The following SLIT2 variants were observed in gnomAD, a reference collection of about 807,000 sequenced individuals.
SLIT2 encodes slit guidance ligand 2.
SLIT2 carries 41 observed loss-of-function variants against 185.7 expected under a neutral mutation model. The ratio of observed to expected loss-of-function variants is 0.22; its 90% CI spans 0.17 to 0.29. The LOEUF (loss-of-function observed/expected upper bound fraction) is 0.29, where lower values mean the gene tolerates loss of function less well. Ranked by LOEUF, SLIT2 falls within the 10% of genes least tolerant of loss-of-function variation. The pLI, the probability that SLIT2 is intolerant of heterozygous loss-of-function variation, is 1.00. For missense variants in SLIT2, 1,571 were observed against 1,909.0 expected, an observed-to-expected ratio of 0.82 and a Z score of 3.30; for synonymous variants, 693 against 680.2, an observed-to-expected ratio of 1.02 and a Z score of -0.29.
chr4:20,387,684 C>T (rs1269455009), intron 4 of SLIT2, among the ~76,000 whole-genome samples: 2 of 152,048 alleles, frequency 1.3e-5, no homozygotes, highest in Non-Finnish European at 1.5e-5. Flanking sequence ...TGGAGGCCCA[C>T]GGGCAACAAA....
At position 20,255,944 on chromosome 4, in the gene SLIT2, C is replaced by T. The variant is rs188695470; in HGVS notation, c.180-728C>T. ...GAACCAGGGCAAGTTTAGATCTTGA[C>T]CTGAAATGCCAGAAAAGGAGATCGT... On this transcript the variant is annotated intron_variant, in intron 1 of 36. Transcript: ENST00000504154. Among the ~76,000 whole-genome samples, 293 of 152,246 alleles carry T rather than the reference C, an allele frequency of 1.9e-3. 2 individuals are homozygous for T. Among genetic ancestry groups the T allele is most frequent in the Non-Finnish European group, 1.9e-3 (130 of 68,018 alleles).
At chr4:20,588,134 C>T (rs530761267) in intron 29 of SLIT2, among the ~76,000 whole-genome samples, 36 of 152,176 alleles carry the variant, frequency 2.4e-4, no homozygotes, top group Admixed American at 2.2e-3. Flanking sequence ...TTAAATAAAA[C>T]CTGTTTAAAA....
chr4:20,292,765 A>G (rs575425667), intron 4 of SLIT2, among the ~76,000 whole-genome samples: 1 of 152,328 alleles, frequency 6.6e-6, no homozygotes, highest in Non-Finnish European at 1.5e-5. Flanking sequence ...TTGAAGAGTG[A>G]CAGCTTCCTA....
chr4:20,567,136 G>T, intron 26 of SLIT2, 126 bp from the exon 27 acceptor site: 1 of 848,398 alleles, frequency 1.2e-6, no homozygotes, highest in Non-Finnish European at 1.8e-6. Context: ...TCATGGATGA[G>T]AGACACATAT....
At chr4:20,531,838 TG>T in intron 16 of SLIT2, 145 bp from the exon 17 acceptor site, 1 of 514,792 alleles carries the variant, frequency 1.9e-6, no homozygotes. Flanking sequence ...AATATCAGTA[TG>T]TTCCACAAAT....
intron 24 of SLIT2, among the ~76,000 whole-genome samples, chr4:20,550,091 TAA>T (rs1040969286): frequency 9.9e-5 from 15 of 152,248 alleles, no homozygotes; most frequent in Admixed American, 4.6e-4. Flanking sequence ...ACCAACTATT[TAA>T]GAGTACCTTT....
chr4:20,279,910 A>C (rs892403187), intron 4 of SLIT2, among the ~76,000 whole-genome samples: 16 of 152,180 alleles, frequency 1.1e-4, no homozygotes, highest in African/African-American at 3.4e-4. Flanking sequence ...CATCCAGCCT[A>C]GTACAGGTCG....
In SLIT2 at chr4:20,303,674, A is replaced by T. The variant is rs115966143; in HGVS notation, c.395+34793A>T. Among the ~76,000 whole-genome samples the T allele has an allele frequency of 1.1e-3, 168 of 152,342 alleles. 1 individual carries two copies. The highest frequency in any genetic ancestry group is 3.5e-3 in the African/African-American group (146 of 41,576). On this transcript the variant is annotated intron_variant, in intron 4 of 36. Transcript: ENST00000504154. ...ACAACAGTGACACAGCATCAGGCTT[A>T]AGTCAGAGGTAGGATCACCGTCTGT...
chr4:20,392,127 A>AC (rs1274161959), intron 4 of SLIT2: 2 of 152,020 alleles, frequency 1.3e-5, no homozygotes, highest in African/African-American at 4.8e-5. Flanking sequence ...GTGTGACATC[A>AC]TAGAGGGTAC....
intron 29 of SLIT2, among the ~76,000 whole-genome samples, chr4:20,586,486 G>C (rs1727076867): frequency 6.6e-6 from 1 of 152,176 alleles, no homozygotes; most frequent in South Asian, 2.1e-4. Flanking sequence ...TCTACTCTTA[G>C]TGATTTTACA....
intron 4 of SLIT2, among the ~76,000 whole-genome samples, chr4:20,451,387 A>G (rs369194158): frequency 6.6e-6 from 1 of 152,210 alleles, no homozygotes; most frequent in East Asian, 1.9e-4. Flanking sequence ...TCCTTAAAGG[A>G]TGTCTCCTTT....
rs560553434 is a variant in SLIT2 at position 20,519,242 on chromosome 4, G to A, written c.1059-140G>A. Reference sequence around the variant, plus strand: ...AATCAGGCAAAAGACATTTGCAAATGGAGTTTGTTTACTCAGCTATAACTT... The same window carrying A: ...AATCAGGCAAAAGACATTTGCAAATAGAGTTTGTTTACTCAGCTATAACTT... On this transcript the variant is annotated intron_variant, in intron 11 of 36. Coordinates refer to ENST00000504154, the MANE Select transcript of SLIT2 (RefSeq NM_004787.4). 2.6e-4 allele frequency: 162 copies of A among 630,006 alleles called. 1 individual carries two copies. Among genetic ancestry groups the A allele is most frequent in the African/African-American group, 2.5e-3 (137 of 53,982 alleles). 39.0% of individuals were successfully genotyped at this position (630,006 alleles called of 1,614,324 possible). A position where few individuals can be genotyped will look rare whatever the true frequency, so the allele number is the denominator to read the frequency against.
chr4:20,564,709 A>G (rs1176987426), intron 26 of SLIT2, among the ~76,000 whole-genome samples: 1 of 151,884 alleles, frequency 6.6e-6, no homozygotes. Flanking sequence ...CCCAAACCCT[A>G]TGCCACAATC....
intron 4 of SLIT2, among the ~76,000 whole-genome samples, chr4:20,338,639 ATTGGGCTCATGAGTCTACTGTCAGAACAT>A (rs1720706838): frequency 6.6e-6 from 1 of 152,210 alleles, no homozygotes; most frequent in Non-Finnish European, 1.5e-5. Context: ...GTTCAGGAAA[ATTGGGCTCATGAGTCTACTGTCAGAACAT>A]TTTTCAGAAA....
intron 30 of SLIT2, among the ~76,000 whole-genome samples, chr4:20,590,902 G>C (rs547259004): frequency 1.1e-4 from 17 of 152,030 alleles, no homozygotes; most frequent in Admixed American, 6.6e-5. Flanking sequence ...TTACCAGTTG[G>C]GTGATTTTTC....
In SLIT2 at chr4:20,355,606, T is replaced by G. The variant is rs561465808; in HGVS notation, c.395+86725T>G. The stretch of plus-strand genomic sequence containing the variant: ...CTAGCAAATGCAGGTGGTCATTGTA[T>G]GAAGCACATATGAAATGAAACCTTT... On this transcript the variant is annotated intron_variant, in intron 4 of 36. Transcript: ENST00000504154. Among the ~76,000 whole-genome samples the G allele has an allele frequency of 1.1e-3, 171 of 152,298 alleles. 2 individuals are homozygous for G. The highest frequency in any genetic ancestry group is 3.4e-3 in the Middle Eastern group (1 of 294).
intron 4 of SLIT2, among the ~76,000 whole-genome samples, chr4:20,300,163 CTA>C: frequency 6.6e-6 from 1 of 151,870 alleles, no homozygotes; most frequent in East Asian, 1.9e-4. Flanking sequence ...TCACATGACT[CTA>C]TTATATGACT....
At chr4:20,314,918 GTGT>G (rs1349240305) in intron 4 of SLIT2, among the ~76,000 whole-genome samples, 1 of 151,984 alleles carries the variant, frequency 6.6e-6, no homozygotes, top group Non-Finnish European at 1.5e-5. Context: ...ATAATGCCTA[GTGT>G]TGTTAAAGGT....
At chr4:20,335,953 T>C (rs1412104998) in intron 4 of SLIT2, among the ~76,000 whole-genome samples, 2 of 152,056 alleles carry the variant, frequency 1.3e-5, no homozygotes, top group African/African-American at 4.8e-5. Context: ...AACTGATAGA[T>C]GTAGAGAGGT....
Sources: allele counts gnomAD v4.1 joint callset (sites outside exome capture counted in the v4.1 genomes callset), GRCh38; gene constraint gnomAD v4.1.1; transcripts MANE v1.5; gene names NCBI Gene and HGNC (gene_info 2026-07-23, HGNC 2026-07-21).